The following ANO4 variants were observed in gnomAD, a reference collection of about 807,000 sequenced individuals.
ANO4 encodes the protein anoctamin 4, also known as anoctamin-4.
A neutral mutation model predicts 141.9 loss-of-function variants in ANO4; 69 were observed. That is an observed-to-expected ratio of 0.49 (90% confidence interval 0.40 to 0.59). The LOEUF is 0.59. ANO4 is among the 20% of genes least tolerant of loss of function. The probability of loss-of-function intolerance (pLI) is 0.00; values close to 1 mark genes in which losing one functional copy is unlikely to be tolerated. For missense variants in ANO4, 894 were observed against 1,162.2 expected (o/e 0.77, Z 3.36); for synonymous variants, 350 against 394.3 (o/e 0.89, Z 1.33).
chr12:100,870,238 A>G (rs1218635851), intron 1 of ANO4, among the ~76,000 whole-genome samples: 1 of 152,208 alleles, frequency 6.6e-6, no homozygotes, highest in African/African-American at 2.4e-5. Flanking sequence ...TTCCTCTAAT[A>G]TTTTGTGCAG....
At chr12:100,788,451 T>C (rs941583580) in intron 3 of ANO4, among the ~76,000 whole-genome samples, 1 of 152,198 alleles carries the variant, frequency 6.6e-6, no homozygotes, top group Non-Finnish European at 1.5e-5. Context: ...AGTTGGCATA[T>C]TATTTGTAGG....
At chr12:100,807,944 T>A (rs2035161719) in intron 1 of ANO4, among the ~76,000 whole-genome samples, 1 of 152,236 alleles carries the variant, frequency 6.6e-6, no homozygotes, top group African/African-American at 2.4e-5. Flanking sequence ...ATGTACCACA[T>A]CTTCTTTAGC....
At chr12:100,822,554 G>A (rs541652961) in intron 1 of ANO4, among the ~76,000 whole-genome samples, 1 of 152,090 alleles carries the variant, frequency 6.6e-6, no homozygotes, top group East Asian at 1.9e-4. Flanking sequence ...CGCACAGGGC[G>A]AGACAGAAAG....
rs1329990179 is a variant in ANO4 at position 100,939,430 on chromosome 12, C to T, written c.276C>T (p.Ser92=). Residue 92 remains serine (S), a synonymous_variant, in exon 4 of 28, where the codon AGC becomes AGT. Coordinates refer to ENST00000392977, the MANE Select transcript of ANO4 (RefSeq NM_001286615.2). ...TGACTAGTACTTCAGATGATGCCAGCAGATTGGAAGCCGGGGGAGAGGTAA... is the reference window on the plus strand; with the variant it reads ...TGACTAGTACTTCAGATGATGCCAGTAGATTGGAAGCCGGGGGAGAGGTAA... ...GNLTSTSDDA[S]RLEAGGETVP... is the part of the protein sequence containing the mutation. The T allele has an allele frequency of 6.2e-7, 1 of 1,613,414 alleles. No homozygotes were observed. The highest frequency in any genetic ancestry group is 1.3e-5 in the African/African-American group (1 of 74,896).
intron 5 of ANO4, among the ~76,000 whole-genome samples, chr12:100,961,033 C>G (rs1278356396): frequency 6.6e-6 from 1 of 152,158 alleles, no homozygotes; most frequent in Admixed American, 6.5e-5. Flanking sequence ...AGTAGACCAA[C>G]CTCTGTTCAT....
At chr12:100,739,582 T>A (rs775542509) in intron 2 of ANO4, among the ~76,000 whole-genome samples, 14 of 152,162 alleles carry the variant, frequency 9.2e-5, no homozygotes, top group African/African-American at 1.4e-4. Flanking sequence ...TAATTTTTTT[T>A]ATTATGAACA....
At position 100,720,087 on chromosome 12, in the gene ANO4, C is replaced by T. The variant is rs543663733; in HGVS notation, c.22+2540C>T. Reference sequence around the variant, plus strand: ...CACTTTAACTCATTAAATAACCATGCGCATGAGACTAAGGATGGGAGACAA... The same window carrying T: ...CACTTTAACTCATTAAATAACCATGTGCATGAGACTAAGGATGGGAGACAA... On this transcript the variant is annotated intron_variant, in intron 1 of 29. Transcript: ENST00000644049. Among the ~76,000 whole-genome samples, 19 of 152,230 alleles carry T rather than the reference C, an allele frequency of 1.2e-4. No individual in the cohort carries two copies. The South Asian group carries it at 3.7e-3, about 30-fold the overall frequency.
At chr12:100,808,607 C>T (rs369042493) in intron 1 of ANO4, among the ~76,000 whole-genome samples, 8 of 152,132 alleles carry the variant, frequency 5.3e-5, no homozygotes, top group African/African-American at 1.7e-4. Flanking sequence ...TATTTTGGCA[C>T]GTATTTTTTA....
chr12:100,758,174 G>A (rs2032698093), intron 3 of ANO4, among the ~76,000 whole-genome samples: 1 of 152,194 alleles, frequency 6.6e-6, no homozygotes, highest in Non-Finnish European at 1.5e-5. Flanking sequence ...CACTGCTCAT[G>A]GAAAGATTTT....
chr12:100,894,923 G>A (rs1473517587), intron 1 of ANO4, among the ~76,000 whole-genome samples: 2 of 143,084 alleles, frequency 1.4e-5, no homozygotes, highest in African/African-American at 5.3e-5. Context: ...CCGAGATCCC[G>A]CCACTGCACT....
At chr12:101,074,685 G>A (rs1377055732) in intron 14 of ANO4, among the ~76,000 whole-genome samples, 1 of 152,146 alleles carries the variant, frequency 6.6e-6, no homozygotes, top group African/African-American at 2.4e-5. Flanking sequence ...AGACAAAAGA[G>A]AAGCATAATA....
intron 9 of ANO4, among the ~76,000 whole-genome samples, chr12:101,024,450 GCTGAGCATGGTGGCACTCAC>G (rs1182720699): frequency 3.9e-5 from 6 of 152,072 alleles, no homozygotes; most frequent in Non-Finnish European, 8.8e-5. Context: ...ACAAAAATTA[GCTGAGCATGGTGGCACTCAC>G]CTGTAATCCC....
intron 1 of ANO4, among the ~76,000 whole-genome samples, chr12:100,728,686 A>G (rs990849679): frequency 3.3e-5 from 5 of 152,218 alleles, no homozygotes; most frequent in Non-Finnish European, 5.9e-5. Flanking sequence ...ATAGTGCCTG[A>G]CAAAGAGTGA....
chr12:100,728,370 C>T (rs186983895), intron 1 of ANO4, among the ~76,000 whole-genome samples: 31 of 152,330 alleles, frequency 2.0e-4, no homozygotes, highest in African/African-American at 7.5e-4. Context: ...TGTATGGAGC[C>T]TCAATGCTTA....
chr12:100,901,726 C>A lies in ANO4; in HGVS notation c.-60C>A. The A allele has an allele frequency of 6.6e-7, 1 of 1,504,732 alleles. No homozygotes were observed. Among genetic ancestry groups the A allele is most frequent in the Non-Finnish European group, 9.3e-7 (1 of 1,080,516 alleles). 93.2% of individuals were successfully genotyped at this position (1,504,732 alleles called of 1,614,324 possible). On this transcript the variant is annotated 5_prime_UTR_variant, in exon 2 of 28. Transcript: ENST00000392977. ...AAGTGTGGCAAGCCGCCCAGCGTCA[C>A]GTCGTCGCCTGCCTGTGGTCAGGCA...
At chr12:101,090,743 A>C (rs184407307) in intron 17 of ANO4, among the ~76,000 whole-genome samples, 1 of 151,458 alleles carries the variant, frequency 6.6e-6, no homozygotes, top group African/African-American at 2.4e-5. Context: ...AACTTAAATT[A>C]AAAAAAAAGA....
intron 5 of ANO4, among the ~76,000 whole-genome samples, chr12:100,962,778 T>C (rs1050323571): frequency 1.3e-5 from 2 of 152,144 alleles, no homozygotes; most frequent in African/African-American, 4.8e-5. Flanking sequence ...ACCTCTAGGC[T>C]CTTTTTTAAG....
intron 9 of ANO4, among the ~76,000 whole-genome samples, chr12:101,027,606 G>C (rs776226430): frequency 2.6e-5 from 4 of 152,188 alleles, no homozygotes; most frequent in Non-Finnish European, 5.9e-5. Context: ...TGCAACAAGA[G>C]CGCCTCTTCA....
intron 25 of ANO4, among the ~76,000 whole-genome samples, chr12:101,117,721 T>C (rs1304448030): frequency 2.6e-5 from 4 of 152,066 alleles, no homozygotes; most frequent in Non-Finnish European, 5.9e-5. Flanking sequence ...AAACAAAGAA[T>C]TTTGGAGATT....
Sources: gnomAD v4.1 joint callset for allele counts (sites outside exome capture counted in the v4.1 genomes callset) on GRCh38, gnomAD v4.1.1 for gene constraint, MANE v1.5 for transcripts, NCBI Gene and HGNC (gene_info 2026-07-23, HGNC 2026-07-21) for gene names.